Variants in NOSIP observed in about 807,000 individuals in gnomAD.
NOSIP encodes the protein nitric oxide synthase-interacting protein.
In NOSIP, 25 loss-of-function variants were observed where a neutral mutation model predicts 36.4. The observed-to-expected ratio is 0.69, with a 90% CI of 0.50 to 0.96. The LOEUF (loss-of-function observed/expected upper bound fraction) is 0.96. NOSIP is among the 40% of genes least tolerant of loss of function. NOSIP has a pLI of 0.00. For missense variants in NOSIP, 370 were observed against 429.0 expected (o/e 0.86, Z 1.21); for synonymous variants, 187 against 179.2 (o/e 1.04, Z -0.35).
At chr19:49,566,794 C>CATATATATATACATATAT (rs2080414016) in intron 1 of NOSIP, 4 of 142,956 alleles carry the variant, frequency 2.8e-5, no homozygotes, top group African/African-American at 8.1e-5. Flanking sequence ...CATATACATA[C>CATATATATATACATATAT]ATATATATAT....
chr19:49,557,190 G>A lies in NOSIP; in HGVS notation c.318C>T (p.Ala106=). 3 of 1,607,080 alleles carry A rather than the reference G, an allele frequency of 1.9e-6. No individual in the cohort carries two copies. Among genetic ancestry groups the A allele is most frequent in the Non-Finnish European group, 1.7e-6 (2 of 1,177,252 alleles). ...REEQKELQRA[A]SQDHVRGFLE... is the part of the protein sequence containing the mutation. ...GGAAGCCCCGCACATGGTCCTGCGAGGCCGCCCGCTGAAGCTCCTTCTGCT... is the reference window on the plus strand; with the variant it reads ...GGAAGCCCCGCACATGGTCCTGCGAAGCCGCCCGCTGAAGCTCCTTCTGCT... The change falls in exon 5 of 9, where the codon GCC becomes GCT. Residue 106 remains alanine, a synonymous_variant. Coordinates refer to ENST00000596358, the MANE Select transcript of NOSIP (RefSeq NM_001270960.2).
chr19:49,573,184 C>A (rs534563668), intron 1 of NOSIP, among the ~76,000 whole-genome samples: 16 of 152,258 alleles, frequency 1.1e-4, no homozygotes, highest in African/African-American at 3.9e-4. Context: ...GATCCAAGCA[C>A]CTGTGGCTTT....
intron 1 of NOSIP, among the ~76,000 whole-genome samples, chr19:49,575,537 C>T (rs530108425): frequency 2.6e-5 from 4 of 152,174 alleles, no homozygotes; most frequent in African/African-American, 4.8e-5. Flanking sequence ...GAAGTAATCA[C>T]CTGACAGCTG....
At chr19:49,571,377 T>C (rs2080482195) in intron 1 of NOSIP, among the ~76,000 whole-genome samples, 2 of 152,100 alleles carry the variant, frequency 1.3e-5, no homozygotes, top group African/African-American at 4.8e-5. Context: ...ATAGCCAGTT[T>C]CAGGATTTAC....
At chr19:49,563,716 A>C (rs1365040396) in intron 1 of NOSIP, among the ~76,000 whole-genome samples, 2 of 149,598 alleles carry the variant, frequency 1.3e-5, no homozygotes, top group Non-Finnish European at 3.0e-5. Flanking sequence ...GCTGGCCTTG[A>C]ACTCCTGACC....
intron 1 of NOSIP, among the ~76,000 whole-genome samples, chr19:49,572,338 C>T (rs2080496225): frequency 6.7e-6 from 1 of 150,348 alleles, no homozygotes. Flanking sequence ...AACTCCTGAC[C>T]TCAGGTGATC....
intron 4 of NOSIP, chr19:49,558,242 C>T (rs1053251288): frequency 7.5e-6 from 1 of 132,764 alleles, no homozygotes; most frequent in African/African-American, 3.3e-5. Flanking sequence ...TCACGTAGCA[C>T]ATCTTTTTTT....
Position 49,558,935 on chromosome 19 carries a change from TG to T in NOSIP, c.219del (p.Tyr73Ter). 6.2e-7 allele frequency: 1 copy of T among 1,614,082 alleles called. No homozygotes were observed. The highest frequency in any genetic ancestry group is 8.5e-7 in the Non-Finnish European group (1 of 1,180,008). The stretch of plus-strand genomic sequence containing the variant: ...GCAATCTCCTTCTTCTGGTGCAGAA[TG>T]TACTCCAGGATGGCCTCACGCTCAT... ...YLYEREAILE[Y>X]ILHQKKEIAR... On this transcript the variant is annotated frameshift_variant, in exon 4 of 9. Coordinates refer to ENST00000596358, the MANE Select transcript of NOSIP (RefSeq NM_001270960.2). LOFTEE classifies it high-confidence loss of function.
intron 4 of NOSIP, chr19:49,558,055 CT>C (rs2080278668): frequency 5.1e-6 from 2 of 389,094 alleles, no homozygotes; most frequent in African/African-American, 4.4e-5. Context: ...AACAGGGCCC[CT>C]CCTACCCATC....
At chr19:49,568,977 AT>A (rs915480644) in intron 1 of NOSIP, among the ~76,000 whole-genome samples, 1 of 147,574 alleles carries the variant, frequency 6.8e-6, no homozygotes, top group African/African-American at 2.5e-5. Context: ...TAATTTTTGT[AT>A]TTTTAGCAGA....
At chr19:49,565,085 G>A (rs2080388362) in intron 1 of NOSIP, among the ~76,000 whole-genome samples, 1 of 152,108 alleles carries the variant, frequency 6.6e-6, no homozygotes, top group Non-Finnish European at 1.5e-5. Context: ...AGACCAGCCT[G>A]AGCAACATAG....
At chr19:49,561,659 A>G (rs2080336102) in intron 1 of NOSIP, among the ~76,000 whole-genome samples, 1 of 152,126 alleles carries the variant, frequency 6.6e-6, no homozygotes, top group African/African-American at 2.4e-5. Context: ...AGTCAGGTGG[A>G]TCACTTGAGT....
At position 49,560,655 on chromosome 19, in the gene NOSIP, C is replaced by T. The variant is rs777226139; in HGVS notation, c.37G>A (p.Val13Ile). 6 of 1,596,556 alleles carry T rather than the reference C, an allele frequency of 3.8e-6. No individual in the cohort carries two copies. The highest frequency in any genetic ancestry group is 2.3e-5 in the East Asian group (1 of 44,366). Residue 13 changes from valine (V) to isoleucine (I), a missense_variant, in exon 2 of 9, where the codon GTC becomes ATC. Physicochemically the swap from Val to Ile is conservative, Grantham distance 29 (BLOSUM62 3). Coordinates refer to ENST00000596358, the MANE Select transcript of NOSIP (RefSeq NM_001270960.2). This position sits in a 1 kb window ranked among gnomAD's most constrained non-coding sequence, Gnocchi z 4.6. ...TTCTTCTTCTCGTGGTAGGTGTAGA[C>T]GGCCCCTGCGGTGCAGTTCTTGCCA... ...RHGKNCTAGA[V>I]YTYHEKKKDT...
At chr19:49,568,795 A>AATT in intron 1 of NOSIP, among the ~76,000 whole-genome samples, 1 of 123,332 alleles carries the variant, frequency 8.1e-6, no homozygotes. Context: ...AAAAAAAAAA[A>AATT]TAGTTTGTTT....
Position 49,560,313 on chromosome 19 carries a change from C to G in NOSIP, c.71-274G>C. 4 of 577,060 alleles carry G rather than the reference C, an allele frequency of 6.9e-6. No homozygotes were observed. The highest frequency in any genetic ancestry group is 2.1e-5 in the South Asian group (1 of 48,632). 35.7% of individuals were successfully genotyped at this position (577,060 alleles called of 1,614,324 possible). ...GGCTGACTCCCCTCCACCCTTCTGA[C>G]TGTGACCAAGCTCAAGTGCCTGTCC... On this transcript the variant is annotated intron_variant, in intron 2 of 8. Coordinates refer to ENST00000596358, the MANE Select transcript of NOSIP (RefSeq NM_001270960.2). This position sits in a 1 kb window ranked among gnomAD's most constrained non-coding sequence, Gnocchi z 4.6.
chr19:49,565,329 G>T (rs905874941), intron 1 of NOSIP, among the ~76,000 whole-genome samples: 1 of 151,912 alleles, frequency 6.6e-6, no homozygotes, highest in Non-Finnish European at 1.5e-5. Context: ...ACTAGGAGGG[G>T]CACAGGTAGC....
intron 3 of NOSIP, 105 bp downstream of exon 3, chr19:49,559,829 A>G: frequency 2.6e-6 from 2 of 762,112 alleles, no homozygotes; most frequent in South Asian, 2.9e-5. Context: ...CTGCTCATCC[A>G]GGGTTCCCTG....
In NOSIP at chr19:49,557,168, A is replaced by T; in HGVS notation, c.340T>A (p.Phe114Ile). ...ACGATAGCCGACTCCTTCTCCAGGA[A>T]GCCCCGCACATGGTCCTGCGAGGCC... Reference protein sequence around the residue: ...RAASQDHVRGFLEKESAIVSR... With the variant: ...RAASQDHVRGILEKESAIVSR... The change falls in exon 5 of 9, where the codon TTC (phenylalanine) becomes ATC (isoleucine). Residue 114 changes from phenylalanine to isoleucine, a missense_variant. Phe to Ile is a conservative substitution (Grantham distance 21). Around this residue, in one of 3 missense-constraint regions of NOSIP, gnomAD observed 315 missense variants for 331.9 expected, o/e 0.95. Coordinates refer to ENST00000596358, the MANE Select transcript of NOSIP (RefSeq NM_001270960.2). The T allele has an allele frequency of 6.2e-7, 1 of 1,611,680 alleles. No individual in the cohort carries two copies. The highest frequency in any genetic ancestry group is 8.5e-7 in the Non-Finnish European group (1 of 1,179,232).
chr19:49,563,212 G>A (rs1274042177), intron 1 of NOSIP, among the ~76,000 whole-genome samples: 1 of 150,164 alleles, frequency 6.7e-6, no homozygotes, highest in Non-Finnish European at 1.5e-5. Flanking sequence ...GACTCACTCT[G>A]TTGTCCAGGC....
Sources: allele counts gnomAD v4.1 joint callset (sites outside exome capture counted in the v4.1 genomes callset), GRCh38; gene constraint gnomAD v4.1.1; regional missense constraint gnomAD v4.1.1; non-coding constraint Gnocchi (gnomAD v3.1); transcripts MANE v1.5; gene names NCBI Gene and HGNC (gene_info 2026-07-23, HGNC 2026-07-21).